CACNB2: variants seen among roughly 807,000 people sequenced by gnomAD.
CACNB2 encodes the protein voltage-dependent L-type calcium channel subunit beta-2.
A neutral mutation model predicts 73.3 loss-of-function variants in CACNB2; 42 were observed. The observed-to-expected ratio is 0.57, with a 90% CI of 0.45 to 0.74. The LOEUF (loss-of-function observed/expected upper bound fraction) is 0.74, where lower values mean the gene tolerates loss of function less well. Ranked by LOEUF, CACNB2 falls within the 30% of genes least tolerant of loss-of-function variation. CACNB2 has a pLI of 0.00. For missense variants in CACNB2, 940 were observed against 853.0 expected (o/e 1.10, Z -1.27); for synonymous variants, 348 against 310.3 (o/e 1.12, Z -1.28).
At chr10:18,263,221 T>C (rs1363795335) in intron 2 of CACNB2, among the ~76,000 whole-genome samples, 2 of 152,196 alleles carry the variant, frequency 1.3e-5, no homozygotes, top group African/African-American at 4.8e-5. Flanking sequence ...ACCTATTTTT[T>C]TCCTTGAAGG....
intron 3 of CACNB2, among the ~76,000 whole-genome samples, chr10:18,466,816 A>G (rs1218504841): frequency 6.6e-6 from 1 of 152,158 alleles, no homozygotes; most frequent in Non-Finnish European, 1.5e-5. Context: ...TAAACAAACT[A>G]TGGAATTTAA....
At chr10:18,200,910 T>C (rs536043843) in intron 2 of CACNB2, among the ~76,000 whole-genome samples, 65 of 152,276 alleles carry the variant, frequency 4.3e-4, no homozygotes, top group African/African-American at 1.5e-3. Context: ...TAGAAACAGA[T>C]CTTTGCACTA....
chr10:18,536,942 TGTC>T (rs1367354559), intron 12 of CACNB2, among the ~76,000 whole-genome samples: 1 of 152,212 alleles, frequency 6.6e-6, no homozygotes, highest in Non-Finnish European at 1.5e-5. Context: ...GATTCTCACT[TGTC>T]GTCTATGCTT....
intron 2 of CACNB2, among the ~76,000 whole-genome samples, chr10:18,356,942 C>CTTTTTTTTTTTTTTTTTTT (rs71402158): frequency 3.0e-5 from 3 of 101,104 alleles, no homozygotes; most frequent in Non-Finnish European, 6.1e-5. Context: ...GACTCAATTT[C>CTTTTTTTTTTTTTTTTTTT]TTTTTTTTTT....
At chr10:18,412,524 C>A (rs1258718100) in intron 3 of CACNB2, among the ~76,000 whole-genome samples, 1 of 152,184 alleles carries the variant, frequency 6.6e-6, no homozygotes, top group African/African-American at 2.4e-5. Flanking sequence ...GTCTCCATCT[C>A]TTTACTGAGG....
intron 2 of CACNB2, among the ~76,000 whole-genome samples, chr10:18,256,174 A>G (rs1202507551): frequency 1.3e-5 from 2 of 152,262 alleles, no homozygotes; most frequent in East Asian, 3.9e-4. Flanking sequence ...TGCTTTTAAG[A>G]TATCTCGTAT....
At chr10:18,413,991 C>T (rs747243499) in intron 3 of CACNB2, among the ~76,000 whole-genome samples, 5 of 152,200 alleles carry the variant, frequency 3.3e-5, no homozygotes, top group Non-Finnish European at 7.3e-5. Flanking sequence ...TAGTTATGTG[C>T]GGTCTTACAC....
chr10:18,309,395 C>G (rs756878846), intron 2 of CACNB2, among the ~76,000 whole-genome samples: 1 of 152,116 alleles, frequency 6.6e-6, no homozygotes, highest in Non-Finnish European at 1.5e-5. Flanking sequence ...GTGGTTGGGT[C>G]GGGGCTGCAT....
intron 2 of CACNB2, among the ~76,000 whole-genome samples, chr10:18,198,509 T>C (rs1173938142): frequency 1.3e-5 from 2 of 152,132 alleles, no homozygotes; most frequent in Admixed American, 1.3e-4. Context: ...GTCACTGGAG[T>C]CATTGCTCTG....
At chr10:18,527,405 G>A (rs1237713986) in intron 9 of CACNB2, among the ~76,000 whole-genome samples, 183 bp from the exon 10 acceptor site, 2 of 151,930 alleles carry the variant, frequency 1.3e-5, no homozygotes, top group African/African-American at 4.8e-5. Context: ...AGTAAGGCAG[G>A]TGCAAGATAA....
intron 2 of CACNB2, among the ~76,000 whole-genome samples, chr10:18,191,015 G>A (rs1378229952): frequency 6.6e-6 from 1 of 152,242 alleles, no homozygotes; most frequent in African/African-American, 2.4e-5. Flanking sequence ...CGCGCAAGCT[G>A]TGAATAGGCT....
At chr10:18,306,547 A>G (rs185694039) in intron 2 of CACNB2, among the ~76,000 whole-genome samples, 7 of 152,336 alleles carry the variant, frequency 4.6e-5, no homozygotes, top group African/African-American at 1.7e-4. Flanking sequence ...AGAAGGAGAA[A>G]GAAGAGTCTA....
At chr10:18,329,280 A>G (rs2040703858) in intron 2 of CACNB2, among the ~76,000 whole-genome samples, 1 of 152,208 alleles carries the variant, frequency 6.6e-6, no homozygotes, top group Non-Finnish European at 1.5e-5. Context: ...GTAAACACTC[A>G]GGAGAAACAT....
chr10:18,402,391 G>GA (rs57043162), intron 3 of CACNB2, among the ~76,000 whole-genome samples: 6,244 of 143,804 alleles, frequency 0.043, 348 homozygotes, highest in South Asian at 0.13. Flanking sequence ...TCTCTGTTAA[G>GA]AAAAAAAAAA....
chr10:18,538,132 T>G (rs201179713), intron 12 of CACNB2, 48 bp from the exon 13 acceptor site: 11 of 1,595,818 alleles, frequency 6.9e-6, no homozygotes, highest in African/African-American at 2.7e-5. Flanking sequence ...GGGAAGGGGG[T>G]GAAAACTGGG....
At chr10:18,442,700 C>A (rs1480899125) in intron 3 of CACNB2, among the ~76,000 whole-genome samples, 4 of 150,708 alleles carry the variant, frequency 2.7e-5, no homozygotes, top group Non-Finnish European at 4.4e-5. Context: ...TGGCACGTGC[C>A]TGTAATCCCA....
chr10:18,289,547 G>C (rs539226329), intron 2 of CACNB2, among the ~76,000 whole-genome samples: 1 of 152,006 alleles, frequency 6.6e-6, no homozygotes, highest in Non-Finnish European at 1.5e-5. Flanking sequence ...GCCCGTCTCA[G>C]CCTCTCAAAG....
intron 3 of CACNB2, among the ~76,000 whole-genome samples, chr10:18,416,272 C>T (rs1257788592): frequency 3.9e-5 from 6 of 152,138 alleles, no homozygotes; most frequent in Non-Finnish European, 5.9e-5. Context: ...CTATGTTGTC[C>T]CATGTGACAG....
At chr10:18,161,662 A>C in intron 2 of CACNB2, among the ~76,000 whole-genome samples, 3 of 148,480 alleles carry the variant, frequency 2.0e-5, no homozygotes, top group Non-Finnish European at 3.0e-5. Context: ...GCCCCTTCCC[A>C]CCAAAACAAA....
Sources: gnomAD v4.1 joint callset for allele counts (sites outside exome capture counted in the v4.1 genomes callset) on GRCh38, gnomAD v4.1.1 for gene constraint, MANE v1.5 for transcripts, NCBI Gene and HGNC (gene_info 2026-07-23, HGNC 2026-07-21) for gene names.